SPAG16: variants seen among roughly 807,000 people sequenced by gnomAD.
SPAG16 encodes the protein sperm associated antigen 16, also known as sperm-associated antigen 16 protein.
In SPAG16, 86 loss-of-function variants were observed where a neutral mutation model predicts 80.4. The observed-to-expected ratio is 1.07, with a 90% confidence interval of 0.90 to 1.28. The LOEUF is 1.28. Ranked by LOEUF, SPAG16 falls within the 50% of genes most tolerant of loss-of-function variation. The pLI is 0.00. For missense variants in SPAG16, 870 were observed against 765.3 expected, an observed-to-expected ratio of 1.14 and a Z score of -1.61; for synonymous variants, 294 against 265.9, an observed-to-expected ratio of 1.11 and a Z score of -1.03.
intron 15 of SPAG16, among the ~76,000 whole-genome samples, chr2:214,400,325 C>T (rs546918545): frequency 6.6e-6 from 1 of 151,788 alleles, no homozygotes; most frequent in Non-Finnish European, 1.5e-5. Flanking sequence ...TGATAGTTGG[C>T]CCCATGTAGC....
intron 15 of SPAG16, among the ~76,000 whole-genome samples, chr2:214,327,515 T>G (rs1329108334): frequency 6.6e-6 from 1 of 152,238 alleles, no homozygotes; most frequent in Non-Finnish European, 1.5e-5. Flanking sequence ...CAGTAGAATT[T>G]GATCAGCATT....
intron 10 of SPAG16, among the ~76,000 whole-genome samples, chr2:213,564,470 G>T (rs1164547097): frequency 1.3e-5 from 2 of 150,856 alleles, no homozygotes; most frequent in South Asian, 2.1e-4. Context: ...ACTCCAGTCT[G>T]GGGGACAGAG....
At chr2:213,974,856 C>T (rs1218088698) in intron 12 of SPAG16, among the ~76,000 whole-genome samples, 2 of 150,814 alleles carry the variant, frequency 1.3e-5, no homozygotes, top group Non-Finnish European at 2.9e-5. Flanking sequence ...AATCCATTCA[C>T]TCAGGCTCAC....
chr2:213,579,095 A>G (rs2060219417), intron 10 of SPAG16, among the ~76,000 whole-genome samples: 1 of 151,884 alleles, frequency 6.6e-6, no homozygotes, highest in Non-Finnish European at 1.5e-5. Context: ...ATATGTATTG[A>G]ATTTTAGGTA....
At chr2:213,780,548 G>A (rs2069880940) in intron 10 of SPAG16, among the ~76,000 whole-genome samples, 1 of 147,782 alleles carries the variant, frequency 6.8e-6, no homozygotes, top group Non-Finnish European at 1.5e-5. Context: ...ACCAAAGCAG[G>A]TCCAAACATT....
At chr2:214,199,153 G>A (rs972713131) in intron 15 of SPAG16, among the ~76,000 whole-genome samples, 1 of 151,942 alleles carries the variant, frequency 6.6e-6, no homozygotes, top group African/African-American at 2.4e-5. Context: ...TTGCTTTTGT[G>A]GTCTGAAGTC....
At chr2:214,227,855 G>T (rs895312732) in intron 15 of SPAG16, among the ~76,000 whole-genome samples, 4 of 151,732 alleles carry the variant, frequency 2.6e-5, no homozygotes, top group African/African-American at 7.3e-5. Context: ...GGCTAGTTTA[G>T]AGATGGAAGT....
At chr2:213,702,248 T>C (rs1231447751) in intron 10 of SPAG16, among the ~76,000 whole-genome samples, 1 of 152,150 alleles carries the variant, frequency 6.6e-6, no homozygotes. Flanking sequence ...AATGGACCAA[T>C]CAGCAGGATG....
intron 15 of SPAG16, among the ~76,000 whole-genome samples, chr2:214,372,002 T>C (rs1699852397): frequency 6.6e-6 from 1 of 152,120 alleles, no homozygotes; most frequent in Non-Finnish European, 1.5e-5. Flanking sequence ...TATTATGAAT[T>C]ATATATATCT....
intron 10 of SPAG16, among the ~76,000 whole-genome samples, chr2:213,801,250 T>C (rs1240540968): frequency 2.0e-5 from 3 of 152,212 alleles, no homozygotes; most frequent in African/African-American, 7.2e-5. Context: ...TGCCCACATG[T>C]GTTTTTGGTG....
At chr2:213,402,597 C>G (rs2125344144) in intron 9 of SPAG16, among the ~76,000 whole-genome samples, 1 of 150,868 alleles carries the variant, frequency 6.6e-6, no homozygotes, top group South Asian at 2.1e-4. Flanking sequence ...CCACAACAGT[C>G]CCTGGAGTGT....
intron 14 of SPAG16, among the ~76,000 whole-genome samples, chr2:214,147,756 G>C (rs180692928): frequency 2.0e-5 from 3 of 152,218 alleles, no homozygotes; most frequent in Non-Finnish European, 4.4e-5. Context: ...TATTAGATTG[G>C]GGACAAGGCT....
intron 10 of SPAG16, among the ~76,000 whole-genome samples, chr2:213,779,783 T>C (rs989369654): frequency 2.6e-5 from 4 of 152,176 alleles, no homozygotes; most frequent in African/African-American, 7.2e-5. Flanking sequence ...TCCTGAATCA[T>C]AACGATGATG....
chr2:213,715,260 C>CTATCTATT (rs1395069731), intron 10 of SPAG16, among the ~76,000 whole-genome samples: 1 of 151,200 alleles, frequency 6.6e-6, no homozygotes, highest in African/African-American at 2.4e-5. Context: ...ATCTATCTAT[C>CTATCTATT]TATCTATCCA....
chr2:214,366,958 A>C (rs1341621133), intron 15 of SPAG16, among the ~76,000 whole-genome samples: 1 of 152,166 alleles, frequency 6.6e-6, no homozygotes, highest in Non-Finnish European at 1.5e-5. Flanking sequence ...TAAACTCTGA[A>C]GCCCAATTAC....
intron 15 of SPAG16, among the ~76,000 whole-genome samples, chr2:214,314,425 A>C (rs893320604): frequency 9.9e-5 from 15 of 152,162 alleles, no homozygotes; most frequent in Non-Finnish European, 2.2e-4. Context: ...CCAAGTTCTA[A>C]AACATGAATG....
chr2:214,052,384 G>C (rs1053218926), intron 13 of SPAG16, among the ~76,000 whole-genome samples: 1 of 152,138 alleles, frequency 6.6e-6, no homozygotes, highest in East Asian at 1.9e-4. Context: ...ACGTTTTCTG[G>C]TTTAACTCAG....
intron 13 of SPAG16, among the ~76,000 whole-genome samples, chr2:214,083,126 T>C (rs1242103364): frequency 6.6e-6 from 1 of 152,232 alleles, no homozygotes; most frequent in Non-Finnish European, 1.5e-5. Context: ...TCAATAATAC[T>C]ACCATCTATT....
At chr2:214,312,985 G>A (rs1201208814) in intron 15 of SPAG16, among the ~76,000 whole-genome samples, 1 of 151,688 alleles carries the variant, frequency 6.6e-6, no homozygotes. Context: ...TTCATTAAAA[G>A]CTAAATAAAC....
Sources: allele counts gnomAD v4.1 joint callset (sites outside exome capture counted in the v4.1 genomes callset), GRCh38; gene constraint gnomAD v4.1.1; transcripts MANE v1.5; gene names NCBI Gene and HGNC (gene_info 2026-07-23, HGNC 2026-07-21).